The following HNRNPUL2 variants were observed in gnomAD, a reference collection of about 807,000 sequenced individuals.
The protein encoded by HNRNPUL2 is heterogeneous nuclear ribonucleoprotein U like 2, also known as heterogeneous nuclear ribonucleoprotein U-like protein 2.
A neutral mutation model predicts 102.2 loss-of-function variants in HNRNPUL2; 27 were observed. The ratio of observed to expected loss-of-function variants is 0.26; its 90% CI spans 0.19 to 0.36. HNRNPUL2 has a LOEUF of 0.36. Ranked by LOEUF, HNRNPUL2 falls within the 10% of genes least tolerant of loss-of-function variation. The pLI is 1.00. For synonymous variants in HNRNPUL2, 458 were observed against 387.2 expected, an observed-to-expected ratio of 1.18 and a Z score of -2.15; for missense variants, 936 against 981.1, an observed-to-expected ratio of 0.95 and a Z score of 0.61.
Position 62,726,859 on chromosome 11 carries a change from C to T in HNRNPUL2, c.298G>A (p.Ala100Thr). 2.5e-6 allele frequency: 4 copies of T among 1,584,448 alleles called. No individual in the cohort carries two copies. The highest frequency in any genetic ancestry group is 3.4e-6 in the Non-Finnish European group (4 of 1,173,600). Residue 100 changes from alanine (A) to threonine (T), a missense_variant, in exon 1 of 14, where the codon GCT becomes ACT. By Grantham distance (58) the Ala-to-Thr change is moderately conservative. This residue lies in a region of HNRNPUL2 where 327 missense variants were observed against 268.1 expected (regional missense o/e 1.22). Coordinates refer to ENST00000301785, the MANE Select transcript of HNRNPUL2 (RefSeq NM_001079559.3). ...LEDEDEEPPP[A>T]QALGQAAQPP... ...TGCGCGGCCTGACCCAAGGCTTGAG[C>T]AGGGGGTGGCTCCTCGTCCTCGTCC...
intron 8 of HNRNPUL2, 109 bp from the exon 9 acceptor site, chr11:62,721,532 G>A: frequency 1.9e-6 from 2 of 1,036,402 alleles, no homozygotes; most frequent in Admixed American, 2.5e-5. Context: ...CTGAATCTAT[G>A]ATATCACTCT....
intron 1 of HNRNPUL2, among the ~76,000 whole-genome samples, chr11:62,725,663 T>C (rs1413021559): frequency 6.6e-6 from 1 of 152,212 alleles, no homozygotes; most frequent in African/African-American, 2.4e-5. Context: ...GGCCTAAAAA[T>C]ATTACTAACA....
At position 62,713,475 on chromosome 11, in the gene HNRNPUL2, T is replaced by A. The variant is rs1360516030; in HGVS notation, c.*1824A>T. ...ACTCCACTGCCACACAGAAATCCAT[T>A]TGAGGACACCGCAGGGAAGCAGGTG... On this transcript the variant is annotated 3_prime_UTR_variant, in exon 14 of 14. Coordinates refer to ENST00000301785, the MANE Select transcript of HNRNPUL2 (RefSeq NM_001079559.3). The A allele has an allele frequency of 6.6e-6, 1 of 152,146 alleles. No individual in the cohort carries two copies. The highest frequency in any genetic ancestry group is 1.5e-5 in the Non-Finnish European group (1 of 68,022). 9.4% of individuals were successfully genotyped at this position (152,146 alleles called of 1,614,324 possible).
intron 1 of HNRNPUL2, 49 bp from the exon 2 acceptor site, chr11:62,724,475 G>C: frequency 6.2e-7 from 1 of 1,607,782 alleles, no homozygotes; most frequent in South Asian, 1.1e-5. Context: ...CTGGAGTGTA[G>C]AATAAGCTCA....
Position 62,726,866 on chromosome 11 carries a change from T to A in HNRNPUL2, c.291A>T (p.Pro97=), listed in dbSNP as rs1447170780. The A allele has an allele frequency of 1.3e-6, 2 of 1,582,376 alleles. No homozygotes were observed. Among genetic ancestry groups the A allele is most frequent in the Admixed American group, 3.5e-5 (2 of 57,870 alleles). ...CCTGACCCAAGGCTTGAGCAGGGGGTGGCTCCTCGTCCTCGTCCTCAAGCA... is the reference window on the plus strand; with the variant it reads ...CCTGACCCAAGGCTTGAGCAGGGGGAGGCTCCTCGTCCTCGTCCTCAAGCA... ...EALLEDEDEE[P]PPAQALGQAA... Residue 97 remains proline (P), a synonymous_variant, in exon 1 of 14, where the codon CCA becomes CCT. Transcript: ENST00000301785.
Position 62,721,384 on chromosome 11 carries a change from G to A in HNRNPUL2, c.1522C>T (p.Arg508Ter), listed in dbSNP as rs2083701522. The change falls in exon 9 of 14, where the codon CGA (arginine) becomes TGA (stop). Residue 508 changes from arginine (R) to a stop codon, truncating the protein, a stop_gained. Coordinates refer to ENST00000301785, the MANE Select transcript of HNRNPUL2 (RefSeq NM_001079559.3). LOFTEE classifies it high-confidence loss of function. ...GAGGCTTGCTGAACTAAAAGGTCTC[G>A]GCTTTTGGGGTCCATCTCTGGCTCC... ...LEEPEMDPKS[R>*]DLLVQQASQC... 6.2e-7 allele frequency: 1 copy of A among 1,608,166 alleles called. No homozygotes were observed. The highest frequency in any genetic ancestry group is 8.5e-7 in the Non-Finnish European group (1 of 1,177,970).
At chr11:62,721,489 A>G (rs953022989) in intron 8 of HNRNPUL2, 66 bp from the exon 9 acceptor site, 3 of 1,429,628 alleles carry the variant, frequency 2.1e-6, no homozygotes, top group Non-Finnish European at 2.9e-6. Flanking sequence ...GTTAAAGCCC[A>G]AGAGTTATTG....
In HNRNPUL2 at chr11:62,715,900, G is replaced by A. The variant is rs367678403; in HGVS notation, c.2019C>T (p.Tyr673=). Reference sequence around the variant, plus strand: ...CAGGCTGCCCCCAGTACTGCTGCCCGTAGGCCCGGTTGTCGTAGCCTCGGC... The same window carrying A: ...CAGGCTGCCCCCAGTACTGCTGCCCATAGGCCCGGTTGTCGTAGCCTCGGC... ...GQRRGYDNRA[Y]GQQYWGQPGN... The change falls in exon 12 of 14, where the codon TAC becomes TAT. Residue 673 remains tyrosine (Y), a synonymous_variant. Transcript: ENST00000301785. 6.8e-5 allele frequency: 110 copies of A among 1,612,462 alleles called. No homozygotes were observed. The highest frequency in any genetic ancestry group is 8.0e-5 in the African/African-American group (6 of 74,930).
intron 9 of HNRNPUL2, among the ~76,000 whole-genome samples, 189 bp from the exon 10 acceptor site, chr11:62,720,380 TAC>T (rs1175362945): frequency 6.6e-6 from 1 of 151,868 alleles, no homozygotes; most frequent in African/African-American, 2.4e-5. Flanking sequence ...ACCTCATCTA[TAC>T]TAAAATACAA....
rs761674867 is a variant in HNRNPUL2 at position 62,722,824 on chromosome 11, C to T, written c.971G>A (p.Arg324His). 32 of 1,613,796 alleles carry T rather than the reference C, an allele frequency of 2.0e-5. No homozygotes were observed. The Admixed American group carries it at 2.8e-4, about 14-fold the overall frequency. The change falls in exon 5 of 14, where the codon CGT becomes CAT. Residue 324 changes from arginine to histidine, a missense_variant. Coordinates refer to ENST00000301785, the MANE Select transcript of HNRNPUL2 (RefSeq NM_001079559.3). The part of the protein sequence containing the change: ...LRVGWSVDFS[R>H]PQLGEDEFSY... ...AGAAATAACTTTACCAAGCTGTGGA[C>T]GGGAAAAATCAACAGACCACCCAAC...
Position 62,714,983 on chromosome 11 carries a change from T to C in HNRNPUL2, c.*316A>G. Reference sequence around the variant, plus strand: ...GTTCTTTTCCTGTCTGACTGTAGGGTATAGAACAGGCAGCCCTAAGTGCTG... The same window carrying C: ...GTTCTTTTCCTGTCTGACTGTAGGGCATAGAACAGGCAGCCCTAAGTGCTG... On this transcript the variant is annotated 3_prime_UTR_variant, in exon 14 of 14. Coordinates refer to ENST00000301785, the MANE Select transcript of HNRNPUL2 (RefSeq NM_001079559.3). The C allele has an allele frequency of 3.6e-6, 1 of 275,206 alleles. No individual in the cohort carries two copies. The allele number at this position is 275,206 out of a possible 1,614,324, so 17.0% of individuals were successfully genotyped here.
rs1404913078 is a variant in HNRNPUL2, at chr11:62,717,095, G to A, written c.1875C>T (p.Tyr625=). ...KEEAQPIVTK[Y]KEEARKLLPP... is the part of the protein sequence containing the mutation. ...GCAGAAGCTTCCTTGCCTCCTCCTT[G>A]TACTTAGTGACAATGGGCTGAGCTT... The change falls in exon 11 of 14, where the codon TAC becomes TAT. Residue 625 remains tyrosine, a synonymous_variant. Transcript: ENST00000301785. The A allele has an allele frequency of 6.2e-7, 1 of 1,614,006 alleles. No individual in the cohort carries two copies. Among genetic ancestry groups the A allele is most frequent in the African/African-American group, 1.3e-5 (1 of 74,898 alleles).
intron 10 of HNRNPUL2, among the ~76,000 whole-genome samples, chr11:62,717,898 G>T (rs1057295638): frequency 6.6e-6 from 1 of 152,230 alleles, no homozygotes; most frequent in African/African-American, 2.4e-5. Flanking sequence ...GTCCGTGATA[G>T]GCCAGCACAT....
Position 62,714,137 on chromosome 11 carries a change from A to ACCCCCC in HNRNPUL2, c.*1156_*1161dup, listed in dbSNP as rs59226130. Reference sequence around the variant, plus strand: ...CAGCAGCCCCACTGAGCTGCCTCCCACCCCCCCCCACCACCCTCCCCTCTT... The same window carrying ACCCCCC: ...CAGCAGCCCCACTGAGCTGCCTCCCACCCCCCCCCCCCCCCACCACCCTCCCCTCTT... On this transcript the variant is annotated 3_prime_UTR_variant, in exon 14 of 14. Transcript: ENST00000301785. 3 of 87,948 alleles carry ACCCCCC rather than the reference A, an allele frequency of 3.4e-5. No homozygotes were observed. The highest frequency in any genetic ancestry group is 1.3e-4 in the Admixed American group (1 of 7,950). The allele number at this position is 87,948 out of a possible 1,614,324, so 5.4% of individuals were successfully genotyped here. A position where few individuals can be genotyped will look rare whatever the true frequency, so the allele number is the denominator to read the frequency against.
At chr11:62,715,743 G>A (rs1314513252) in intron 12 of HNRNPUL2, 121 bp downstream of exon 12, 4 of 1,149,080 alleles carry the variant, frequency 3.5e-6, no homozygotes, top group Non-Finnish European at 5.2e-6. Flanking sequence ...AAATCTTCCA[G>A]AACATATTAA....
rs561936261 is a variant in HNRNPUL2, at chr11:62,725,340, G to A, written c.539-914C>T. 2.5e-4 allele frequency among the ~76,000 whole-genome samples: 38 copies of A among 152,230 alleles called. No homozygotes were observed. The East Asian group carries it at 5.6e-3, about 22-fold the overall frequency. ...AGCCTCCCAAGAAGCTGGGATTACCGGCACCCGCCATCACGCCCGGCTAAT... is the reference window on the plus strand; with the variant it reads ...AGCCTCCCAAGAAGCTGGGATTACCAGCACCCGCCATCACGCCCGGCTAAT... On this transcript the variant is annotated intron_variant, in intron 1 of 13. Coordinates refer to ENST00000301785, the MANE Select transcript of HNRNPUL2 (RefSeq NM_001079559.3).
At position 62,718,745 on chromosome 11, in the gene HNRNPUL2, G is replaced by A. The variant is rs546052226; in HGVS notation, c.1780+1278C>T. ...TAAGAAATGTAGACAAACAGTAGAT[G>A]TACCAGAAATATTTACTTAACAAAT... is the stretch of plus-strand genomic sequence containing the variant. On this transcript the variant is annotated intron_variant, in intron 10 of 13. Coordinates refer to ENST00000301785, the MANE Select transcript of HNRNPUL2 (RefSeq NM_001079559.3). 8.9e-5 allele frequency among the ~76,000 whole-genome samples: 13 copies of A among 145,756 alleles called. No homozygotes were observed. The South Asian group carries it at 2.4e-3, about 27-fold the overall frequency.
chr11:62,717,593 C>G (rs558308223), intron 10 of HNRNPUL2, among the ~76,000 whole-genome samples: 4 of 152,250 alleles, frequency 2.6e-5, no homozygotes, highest in South Asian at 2.1e-4. Context: ...TGGTGGCTCA[C>G]GCCTGTAATC....
At position 62,715,216 on chromosome 11, in the gene HNRNPUL2, T is replaced by G; in HGVS notation, c.*83A>C. The G allele has an allele frequency of 5.7e-6, 3 of 529,694 alleles. No homozygotes were observed. Among genetic ancestry groups the G allele is most frequent in the Non-Finnish European group, 8.6e-6 (3 of 350,054 alleles). 32.8% of individuals were successfully genotyped at this position (529,694 alleles called of 1,614,324 possible). ...CTCAGCCCCACCCCGACAGCCCCTG[T>G]TTTCCTTGGTTGTGTTTTGCGGGGG... On this transcript the variant is annotated 3_prime_UTR_variant, in exon 14 of 14. Coordinates refer to ENST00000301785, the MANE Select transcript of HNRNPUL2 (RefSeq NM_001079559.3).
Sources: allele counts gnomAD v4.1 joint callset (sites outside exome capture counted in the v4.1 genomes callset), GRCh38; gene constraint gnomAD v4.1.1; regional missense constraint gnomAD v4.1.1; transcripts MANE v1.5; gene names NCBI Gene and HGNC (gene_info 2026-07-23, HGNC 2026-07-21).